Variants in ANK2 observed in about 807,000 individuals in gnomAD.
The protein encoded by ANK2 is ankyrin-2.
In ANK2, 83 loss-of-function variants were observed where a neutral mutation model predicts 360.5. That is an observed-to-expected ratio of 0.23 (90% CI 0.19 to 0.28). The LOEUF (loss-of-function observed/expected upper bound fraction) is 0.28. Among genes scored for constraint, ANK2 ranks in the 10% least tolerant of loss-of-function variants. The probability of loss-of-function intolerance (pLI) is 1.00; values close to 1 mark genes in which losing one functional copy is unlikely to be tolerated. For missense variants in ANK2, 4,201 were observed against 4,795.7 expected (o/e 0.88, Z 3.66); for synonymous variants, 1,740 against 1,759.5 (o/e 0.99, Z 0.28).
At chr4:113,374,629 G>T in intron 45 of ANK2, 2 of 392,488 alleles carry the variant, frequency 5.1e-6, no homozygotes, top group Non-Finnish European at 7.2e-6. Context: ...TTCTAACTCT[G>T]CTTCCCATTG....
Position 113,345,926 on chromosome 4 carries a change from C to T in ANK2, c.4275C>T (p.Cys1425=), listed in dbSNP as rs776983267. Reference sequence around the variant, plus strand: ...TACGCGATACGACTCAGGAACCTTGCGGACGACTATCATTTATGAAGGAGC... The same window carrying T: ...TACGCGATACGACTCAGGAACCTTGTGGACGACTATCATTTATGAAGGAGC... The part of the protein sequence containing the change: ...VKVRDTTQEP[C]GRLSFMKEPK... The change falls in exon 35 of 46, where the codon TGC becomes TGT. Residue 1425 remains cysteine, a synonymous_variant. Transcript: ENST00000357077. 15 of 1,613,386 alleles carry T rather than the reference C, an allele frequency of 9.3e-6. No individual in the cohort carries two copies. The highest frequency in any genetic ancestry group is 2.7e-5 in the African/African-American group (2 of 74,878).
At chr4:112,833,467 T>A (rs1324753739) in intron 1 of ANK2, among the ~76,000 whole-genome samples, 1 of 152,070 alleles carries the variant, frequency 6.6e-6, no homozygotes, top group African/African-American at 2.4e-5. Context: ...TGCACCTAGG[T>A]GCCTATATAT....
intron 4 of ANK2, among the ~76,000 whole-genome samples, chr4:113,224,348 G>A (rs764174990): frequency 1.3e-5 from 2 of 152,130 alleles, no homozygotes; most frequent in African/African-American, 2.4e-5. Flanking sequence ...ATTTTTATGG[G>A]CACTAAATAA....
At chr4:113,200,007 A>C (rs1019294966) in intron 4 of ANK2, among the ~76,000 whole-genome samples, 3 of 152,206 alleles carry the variant, frequency 2.0e-5, no homozygotes, top group African/African-American at 7.2e-5. Context: ...AGAAAATACA[A>C]AAGGCAATGG....
intron 22 of ANK2, among the ~76,000 whole-genome samples, chr4:113,297,878 T>A (rs1005822163): frequency 3.3e-5 from 5 of 152,020 alleles, no homozygotes; most frequent in Non-Finnish European, 7.4e-5. Context: ...CAGGTGATCC[T>A]CCCATCTTAG....
At chr4:113,046,007 C>A (rs948443087), upstream of ANK2, among the ~76,000 whole-genome samples, 8 of 152,250 alleles carry the variant, frequency 5.3e-5, no homozygotes, top group African/African-American at 1.7e-4. Context: ...AGATATTAAT[C>A]CTGCCCTCAA....
At chr4:112,931,161 T>C (rs1581376285) in intron 2 of ANK2, among the ~76,000 whole-genome samples, 1 of 152,130 alleles carries the variant, frequency 6.6e-6, no homozygotes, top group African/African-American at 2.4e-5. Context: ...GGGTCGACTC[T>C]GCACATGGCT....
intron 1 of ANK2, among the ~76,000 whole-genome samples, chr4:113,089,470 A>G (rs1306734122): frequency 6.6e-6 from 1 of 152,198 alleles, no homozygotes; most frequent in Non-Finnish European, 1.5e-5. Context: ...ATAATCTAAG[A>G]TGTTACTATG....
rs35530544 is a variant in ANK2 at position 113,367,751 on chromosome 4, C to A, written c.11218C>A (p.Leu3740Ile). The change falls in exon 42 of 46, where the codon CTC becomes ATC. Residue 3740 changes from leucine (L) to isoleucine (I), a missense_variant. By Grantham distance (5) the Leu-to-Ile change is conservative. Around this residue, in one of 4 missense-constraint regions of ANK2, gnomAD observed 2,642 missense variants for 2,714.5 expected, o/e 0.97. Coordinates refer to ENST00000357077, the MANE Select transcript of ANK2 (RefSeq NM_001148.6). ...KTEGDSSATA[L>I]FPQTHKEQVQ... ...TGAGGGGGACAGCTCAGCAACAGCA[C>A]TCTTTCCCCAAACTCACAAGGAGCA... 1.8e-3 allele frequency: 2,830 copies of A among 1,614,058 alleles called. 55 individuals carry two copies. The African/African-American group carries it at 0.033, about 19-fold the overall frequency.
Position 113,358,840 on chromosome 4 carries a change from C to G in ANK2, c.10222C>G (p.Arg3408Gly), listed in dbSNP as rs773715451. 10 of 1,613,854 alleles carry G rather than the reference C, an allele frequency of 6.2e-6. No individual in the cohort carries two copies. The highest frequency in any genetic ancestry group is 1.6e-4 in the Middle Eastern group (1 of 6,084). ...AAAGACCAAATGCCCAGTAAAAACC[C>G]GAAGTTACACTGAGACAGAAACAGA... ...DSKTKCPVKT[R>G]SYTETETESR... Residue 3408 changes from arginine (R) to glycine (G), a missense_variant, in exon 38 of 46, where the codon CGA becomes GGA. Transcript: ENST00000357077.
chr4:113,001,062 C>T (rs764111995), intron 2 of ANK2, among the ~76,000 whole-genome samples: 21 of 152,124 alleles, frequency 1.4e-4, no homozygotes, highest in Non-Finnish European at 2.6e-4. Context: ...AGGTCGGGCA[C>T]GGTGGTTCAC....
rs762939884 is a variant in ANK2, at chr4:113,330,238, AT to A, written c.2901-3del. The A allele has an allele frequency of 1.9e-6, 3 of 1,612,682 alleles. No homozygotes were observed. In the Admixed American group the frequency reaches 5.0e-5, roughly 27 times the overall value. On this transcript the variant is annotated splice_region_variant and splice_polypyrimidine_tract_variant and intron_variant, in intron 26 of 45. Coordinates refer to ENST00000357077, the MANE Select transcript of ANK2 (RefSeq NM_001148.6). Reference sequence around the variant, plus strand: ...AAAACATATCTAATCTTCTATTTTAATTTTTAGTTTCCTGGTTAGTTTTATG... The same window carrying A: ...AAAACATATCTAATCTTCTATTTTAATTTTAGTTTCCTGGTTAGTTTTATG...
At chr4:112,928,099 A>G (rs906704406) in intron 2 of ANK2, among the ~76,000 whole-genome samples, 1 of 152,218 alleles carries the variant, frequency 6.6e-6, no homozygotes, top group African/African-American at 2.4e-5. Context: ...ACCAAAGAGT[A>G]AAATCATCTG....
intron 2 of ANK2, among the ~76,000 whole-genome samples, chr4:112,913,918 T>C (rs962858691): frequency 2.6e-5 from 4 of 152,196 alleles, no homozygotes; most frequent in Non-Finnish European, 5.9e-5. Flanking sequence ...TTCATGGATA[T>C]TCATCCTGTC....
the ANK2 span, among the ~76,000 whole-genome samples, chr4:112,787,686 C>T: frequency 6.6e-6 from 1 of 152,148 alleles, no homozygotes; most frequent in Non-Finnish European, 1.5e-5. Flanking sequence ...AATCAGTGGC[C>T]ACTTCTGCGT....
At position 113,317,687 on chromosome 4, in the gene ANK2, GC is replaced by G; in HGVS notation, c.2694-18del. ...GCTACTGCTGTTGGTATATGCCATG[GC>G]CTCCTGCCAACCTACCAGCCTTCGA... On this transcript the variant is annotated intron_variant, in intron 24 of 45. Coordinates refer to ENST00000357077, the MANE Select transcript of ANK2 (RefSeq NM_001148.6). The G allele has an allele frequency of 6.3e-7, 1 of 1,594,960 alleles. No individual in the cohort carries two copies.
At chr4:113,232,349 C>A in intron 5 of ANK2, 90 bp downstream of exon 5, 1 of 962,720 alleles carries the variant, frequency 1.0e-6, no homozygotes, top group South Asian at 1.3e-5. Context: ...ATTACTTTGT[C>A]TAAAATATGC....
chr4:113,185,303 T>A (rs1015535317), intron 2 of ANK2, among the ~76,000 whole-genome samples: 2 of 152,336 alleles, frequency 1.3e-5, no homozygotes, highest in East Asian at 3.9e-4. Context: ...TCTTCCACAA[T>A]GGTTGAGCTA....
At chr4:113,014,390 G>A (rs140255825) in intron 2 of ANK2, among the ~76,000 whole-genome samples, 221 of 152,254 alleles carry the variant, frequency 1.5e-3, no homozygotes, top group African/African-American at 5.3e-3. Context: ...AACCCTAGGA[G>A]GATTCTATTA....
Sources: gnomAD v4.1 joint callset for allele counts (sites outside exome capture counted in the v4.1 genomes callset) on GRCh38, gnomAD v4.1.1 for gene constraint, gnomAD v4.1.1 regional missense constraint, MANE v1.5 for transcripts, NCBI Gene and HGNC (gene_info 2026-07-23, HGNC 2026-07-21) for gene names.